Variants in COL14A1 observed in about 807,000 individuals in gnomAD.
COL14A1 encodes the protein collagen alpha-1(XIV) chain.
In COL14A1, 136 loss-of-function variants were observed where a neutral mutation model predicts 230.3. The ratio of observed to expected loss-of-function variants is 0.59; its 90% CI spans 0.51 to 0.68. The LOEUF (loss-of-function observed/expected upper bound fraction) is 0.68, where lower values mean the gene tolerates loss of function less well. COL14A1 is among the 30% of genes least tolerant of loss of function. The pLI is 0.00. For missense variants in COL14A1, 1,976 were observed against 2,215.8 expected, an observed-to-expected ratio of 0.89 and a Z score of 2.17; for synonymous variants, 792 against 784.1, an observed-to-expected ratio of 1.01 and a Z score of -0.17.
intron 47 of COL14A1, chr8:120,370,455 C>G: frequency 6.4e-7 from 1 of 1,560,926 alleles, no homozygotes; most frequent in Non-Finnish European, 8.7e-7. Context: ...CACCACCAAG[C>G]CCCTGCCCCT....
chr8:120,369,459 C>T lies in COL14A1; in HGVS notation c.5285C>T (p.Ser1762Leu). 1 of 1,606,118 alleles carries T rather than the reference C, an allele frequency of 6.2e-7. No individual in the cohort carries two copies. The highest frequency in any genetic ancestry group is 1.1e-5 in the South Asian group (1 of 89,360). ...PSGQPGYCDP[S>L]SCSAYGVRAP... ...GGCCAGCCTGGATATTGTGACCCCT[C>T]ATCATGTTCTGCCTATGGTGTGAGA... The change falls in exon 47 of 48, where the codon TCA (serine) becomes TTA (leucine). Residue 1762 changes from serine (S) to leucine (L), a missense_variant. Coordinates refer to ENST00000297848, the MANE Select transcript of COL14A1 (RefSeq NM_021110.4).
intron 1 of COL14A1, among the ~76,000 whole-genome samples, chr8:120,141,390 T>A (rs1173006758): frequency 1.3e-5 from 2 of 151,780 alleles, no homozygotes; most frequent in African/African-American, 4.8e-5. Context: ...AAAAAATTTT[T>A]AAAAAATCAG....
intron 5 of COL14A1, among the ~76,000 whole-genome samples, chr8:120,186,285 A>T (rs1467159515): frequency 6.6e-6 from 1 of 152,196 alleles, no homozygotes; most frequent in East Asian, 1.9e-4. Context: ...AGCTTCCAAG[A>T]GTTCTACTGT....
intron 47 of COL14A1, chr8:120,370,396 G>C (rs367946410): frequency 1.2e-6 from 2 of 1,609,822 alleles, no homozygotes; most frequent in African/African-American, 1.3e-5. Flanking sequence ...TGGTTCCATT[G>C]GCCCCAGACA....
In COL14A1 at chr8:120,262,955, G is replaced by A. The variant is rs1227402366; in HGVS notation, c.2957G>A (p.Ser986Asn). The A allele has an allele frequency of 6.2e-7, 1 of 1,613,634 alleles. No individual in the cohort carries two copies. The highest frequency in any genetic ancestry group is 8.5e-7 in the Non-Finnish European group (1 of 1,179,808). Reference sequence around the variant, plus strand: ...CAGCCTGATTCTGAATATAAAATCAGTGTTTATACAAAGCTCCAGGAGATT... The same window carrying A: ...CAGCCTGATTCTGAATATAAAATCAATGTTTATACAAAGCTCCAGGAGATT... ...GLQPDSEYKISVYTKLQEIEG... is the reference protein window; with the variant it reads ...GLQPDSEYKINVYTKLQEIEG... The change falls in exon 24 of 48, where the codon AGT becomes AAT. Residue 986 changes from serine to asparagine, a missense_variant. Around this residue, in one of 3 missense-constraint regions of COL14A1, gnomAD observed 1,791 missense variants for 2,019.5 expected, o/e 0.89. Transcript: ENST00000297848.
intron 45 of COL14A1, among the ~76,000 whole-genome samples, chr8:120,347,367 A>G (rs895915221): frequency 5.3e-5 from 8 of 152,200 alleles, no homozygotes; most frequent in African/African-American, 1.9e-4. Flanking sequence ...TGCATAAAAG[A>G]TGACAGTAAG....
intron 22 of COL14A1, among the ~76,000 whole-genome samples, chr8:120,252,382 A>T (rs1819000367): frequency 6.6e-6 from 1 of 152,008 alleles, no homozygotes. Flanking sequence ...CCATTATATC[A>T]CTCAAAATTT....
At chr8:120,282,514 T>A (rs1334483289) in intron 31 of COL14A1, among the ~76,000 whole-genome samples, 1 of 152,184 alleles carries the variant, frequency 6.6e-6, no homozygotes, top group East Asian at 1.9e-4. Context: ...GGCATATAGT[T>A]GGCACTCAAA....
At chr8:120,262,501 AC>A (rs1819367561) in intron 23 of COL14A1, among the ~76,000 whole-genome samples, 1 of 151,852 alleles carries the variant, frequency 6.6e-6, no homozygotes, top group Non-Finnish European at 1.5e-5. Flanking sequence ...AAACAAAAAA[AC>A]CCCACAAAGA....
rs148285018 is a variant in COL14A1, at chr8:120,204,631, T to C, written c.1039+761T>C. ...CTATGATGAATCAAGCTGCTGTGAATGTTCATGTGGAGGTTCTTGTGCAAA... is the reference window on the plus strand; with the variant it reads ...CTATGATGAATCAAGCTGCTGTGAACGTTCATGTGGAGGTTCTTGTGCAAA... On this transcript the variant is annotated intron_variant, in intron 9 of 47. Transcript: ENST00000297848. Among the ~76,000 whole-genome samples, 946 of 152,348 alleles carry C rather than the reference T, an allele frequency of 6.2e-3. 11 individuals are homozygous for C. Among genetic ancestry groups the C allele is most frequent in the African/African-American group, 0.022 (899 of 41,588 alleles).
chr8:120,141,135 C>A (rs191690151), intron 1 of COL14A1, among the ~76,000 whole-genome samples: 4 of 152,188 alleles, frequency 2.6e-5, no homozygotes, highest in Non-Finnish European at 4.4e-5. Context: ...ATTTTTCTTG[C>A]CCTTACTTTA....
At chr8:120,162,749 C>T (rs936335076) in intron 4 of COL14A1, among the ~76,000 whole-genome samples, 180 bp downstream of exon 4, 2 of 152,148 alleles carry the variant, frequency 1.3e-5, no homozygotes, top group Admixed American at 6.5e-5. Flanking sequence ...GCTACCCTTC[C>T]CTTTCCCCCA....
intron 36 of COL14A1, among the ~76,000 whole-genome samples, chr8:120,303,071 T>A (rs1586846075): frequency 6.6e-6 from 1 of 152,182 alleles, no homozygotes; most frequent in Non-Finnish European, 1.5e-5. Flanking sequence ...ATGTTAGTGA[T>A]CTTTGTGCAT....
intron 45 of COL14A1, among the ~76,000 whole-genome samples, chr8:120,364,708 C>A (rs1823346657): frequency 6.6e-6 from 1 of 151,984 alleles, no homozygotes; most frequent in South Asian, 2.1e-4. Context: ...AATGGTGAAA[C>A]GTTGTCTCTA....
In COL14A1 at chr8:120,288,722, G is replaced by A. The variant is rs549601340; in HGVS notation, c.4078-886G>A. 3.9e-5 allele frequency among the ~76,000 whole-genome samples: 6 copies of A among 152,102 alleles called. 1 individual carries two copies. In the East Asian group the frequency reaches 5.8e-4, roughly 15 times the overall value. ...CAACATGGTTTTTCTTTGAACTACC[G>A]TAATGCCTTATCTTAAACAGATTTG... On this transcript the variant is annotated intron_variant, in intron 33 of 47. Coordinates refer to ENST00000297848, the MANE Select transcript of COL14A1 (RefSeq NM_021110.4).
intron 26 of COL14A1, 39 bp downstream of exon 26, chr8:120,270,213 G>T: frequency 6.4e-7 from 1 of 1,574,692 alleles, no homozygotes; most frequent in South Asian, 1.2e-5. Flanking sequence ...TATGTATTTA[G>T]AAATTATTTC....
chr8:120,201,878 A>C (rs924922824), intron 8 of COL14A1, among the ~76,000 whole-genome samples: 5 of 152,058 alleles, frequency 3.3e-5, no homozygotes, highest in African/African-American at 4.8e-5. Context: ...CAGTTGCAAC[A>C]GTCAAACTAT....
intron 8 of COL14A1, among the ~76,000 whole-genome samples, chr8:120,203,281 T>G (rs1358679651): frequency 3.3e-5 from 5 of 151,900 alleles, no homozygotes; most frequent in African/African-American, 1.2e-4. Context: ...TGGCAGATGC[T>G]TTTAACCAAA....
At chr8:120,237,456 C>G (rs1362451680) in intron 19 of COL14A1, among the ~76,000 whole-genome samples, 1 of 152,164 alleles carries the variant, frequency 6.6e-6, no homozygotes, top group East Asian at 1.9e-4. Context: ...TTTTTCAGCT[C>G]CATCAGGTCA....
Sources: allele counts gnomAD v4.1 joint callset (sites outside exome capture counted in the v4.1 genomes callset), GRCh38; gene constraint gnomAD v4.1.1; regional missense constraint gnomAD v4.1.1; transcripts MANE v1.5; gene names NCBI Gene and HGNC (gene_info 2026-07-23, HGNC 2026-07-21).